The following KHDRBS2 variants were observed in gnomAD, a reference collection of about 807,000 sequenced individuals.
KHDRBS2 encodes KH RNA binding domain containing, signal transduction associated 2.
Under a neutral mutation model 44.3 loss-of-function variants are expected in KHDRBS2, and 26 were observed. The observed-to-expected ratio is 0.59, with a 90% confidence interval of 0.43 to 0.81. The LOEUF is 0.81. Among genes scored for constraint, KHDRBS2 ranks in the 40% least tolerant of loss-of-function variants. The pLI is 0.00. For missense variants in KHDRBS2, 476 were observed against 433.1 expected, an observed-to-expected ratio of 1.10 and a Z score of -0.88; for synonymous variants, 194 against 151.1, an observed-to-expected ratio of 1.28 and a Z score of -2.08.
At chr6:61,993,863 A>C (rs1776663363) in intron 3 of KHDRBS2, among the ~76,000 whole-genome samples, 1 of 151,880 alleles carries the variant, frequency 6.6e-6, no homozygotes, top group Non-Finnish European at 1.5e-5. Context: ...TTTGACTCTT[A>C]AGGAAACAAA....
chr6:61,967,957 T>TATACAC (rs1228663590), intron 4 of KHDRBS2, among the ~76,000 whole-genome samples: 18 of 73,588 alleles, frequency 2.4e-4, no homozygotes, highest in African/African-American at 8.4e-4. Context: ...TATATATATA[T>TATACAC]ACACACACAC....
intron 6 of KHDRBS2, among the ~76,000 whole-genome samples, chr6:61,825,571 G>T (rs1219233004): frequency 6.6e-6 from 1 of 152,088 alleles, no homozygotes; most frequent in Non-Finnish European, 1.5e-5. Flanking sequence ...CAGTTAAGAG[G>T]GTTGTAAAAA....
intron 1 of KHDRBS2, among the ~76,000 whole-genome samples, chr6:62,280,144 T>A (rs1841595436): frequency 6.6e-6 from 1 of 152,110 alleles, no homozygotes; most frequent in South Asian, 2.1e-4. Flanking sequence ...AGAGAGTGAA[T>A]TATAAGCAGT....
intron 2 of KHDRBS2, among the ~76,000 whole-genome samples, chr6:62,098,872 C>A (rs1261258038): frequency 1.3e-5 from 2 of 152,028 alleles, no homozygotes; most frequent in African/African-American, 4.8e-5. Context: ...AATAGTCTGT[C>A]TTTGGGCTCA....
At chr6:62,273,948 T>A (rs1294773805) in intron 1 of KHDRBS2, among the ~76,000 whole-genome samples, 1 of 152,120 alleles carries the variant, frequency 6.6e-6, no homozygotes, top group East Asian at 1.9e-4. Context: ...CTTTTATTTT[T>A]TATTTTTTTG....
intron 3 of KHDRBS2, among the ~76,000 whole-genome samples, chr6:62,036,428 T>C (rs56185438): frequency 0.14 from 21,954 of 151,838 alleles, 2,090 homozygotes; most frequent in Non-Finnish European, 0.19. Flanking sequence ...ATCAAAAAAC[T>C]ACTTATCGGA....
the KHDRBS2 span, among the ~76,000 whole-genome samples, chr6:61,569,403 G>A: frequency 3.1e-4 from 47 of 152,266 alleles, no homozygotes; most frequent in Non-Finnish European, 5.6e-4. Context: ...AAAAATTAGA[G>A]CAAGCTTAGA....
intron 3 of KHDRBS2, among the ~76,000 whole-genome samples, chr6:62,028,450 G>A (rs1783765890): frequency 6.6e-6 from 1 of 152,014 alleles, no homozygotes; most frequent in Admixed American, 6.6e-5. Context: ...ATTTAATCCT[G>A]TGTTGATCGT....
intron 4 of KHDRBS2, among the ~76,000 whole-genome samples, chr6:61,902,769 G>T (rs114583315): frequency 0.013 from 1,966 of 152,214 alleles, 45 homozygotes; most frequent in African/African-American, 0.044. Flanking sequence ...TGCACCAAAC[G>T]ATGTCAACGT....
At chr6:61,786,859 G>T (rs1472742158) in intron 6 of KHDRBS2, among the ~76,000 whole-genome samples, 1 of 151,742 alleles carries the variant, frequency 6.6e-6, no homozygotes, top group African/African-American at 2.4e-5. Flanking sequence ...CTTTGTCATA[G>T]AATTGTTTAG....
In KHDRBS2 at chr6:61,997,649, T is replaced by C. The variant is rs888796700; in HGVS notation, c.337-19437A>G. 9.2e-5 allele frequency among the ~76,000 whole-genome samples: 14 copies of C among 152,308 alleles called. 1 individual carries two copies. Among genetic ancestry groups the C allele is most frequent in the Admixed American group, 8.5e-4 (13 of 15,296 alleles). ...ACCAATCCATGTAAATGAGCACTTT[T>C]AGGGTTTAACCAGCTATGGATCCTC... On this transcript the variant is annotated intron_variant, in intron 3 of 8. Transcript: ENST00000281156.
chr6:62,139,899 GC>G (rs1425490397), intron 2 of KHDRBS2, among the ~76,000 whole-genome samples: 1 of 121,238 alleles, frequency 8.2e-6, no homozygotes, highest in Admixed American at 8.9e-5. Flanking sequence ...CCGCCCACCC[GC>G]CGCCAATGCC....
At chr6:61,879,692 T>C (rs1799940183) in intron 6 of KHDRBS2, among the ~76,000 whole-genome samples, 1 of 151,926 alleles carries the variant, frequency 6.6e-6, no homozygotes, top group Non-Finnish European at 1.5e-5. Flanking sequence ...TACTAACATC[T>C]TAAAGTTGCT....
In KHDRBS2 at chr6:61,942,396, A is replaced by C. The variant is rs565703406; in HGVS notation, c.483+35670T>G. On this transcript the variant is annotated intron_variant, in intron 4 of 8. Coordinates refer to ENST00000281156, the MANE Select transcript of KHDRBS2 (RefSeq NM_152688.4). ...AAAAGATAAATATCATAAAAAGAAC[A>C]AAACAAAAATTCTGCAACTGAAGAA... Among the ~76,000 whole-genome samples, 207 of 152,298 alleles carry C rather than the reference A, an allele frequency of 1.4e-3. 1 individual carries two copies. The highest frequency in any genetic ancestry group is 4.7e-3 in the African/African-American group (195 of 41,578).
chr6:61,868,395 G>A (rs1224644463), intron 6 of KHDRBS2, among the ~76,000 whole-genome samples: 2 of 152,114 alleles, frequency 1.3e-5, no homozygotes, highest in African/African-American at 2.4e-5. Flanking sequence ...GAGTACCAGC[G>A]ACGGTGGCTG....
intron 1 of KHDRBS2, among the ~76,000 whole-genome samples, chr6:62,267,036 T>C (rs761093087): frequency 2.6e-5 from 4 of 152,052 alleles, no homozygotes. Context: ...TTTCAATGTC[T>C]GCTTCTGGGA....
chr6:61,695,203 C>A (rs1037231166), intron 8 of KHDRBS2, among the ~76,000 whole-genome samples: 2 of 145,596 alleles, frequency 1.4e-5, no homozygotes, highest in East Asian at 2.1e-4. Context: ...TCTACTGAAC[C>A]CTGCTCCCAC....
chr6:61,732,417 G>A (rs1197698311), intron 7 of KHDRBS2, among the ~76,000 whole-genome samples: 1 of 151,696 alleles, frequency 6.6e-6, no homozygotes, highest in East Asian at 1.9e-4. Flanking sequence ...ATAACATTTA[G>A]TTAAATACAA....
chr6:61,656,336 T>C, the KHDRBS2 span, among the ~76,000 whole-genome samples: 2 of 151,990 alleles, frequency 1.3e-5, no homozygotes, highest in Non-Finnish European at 2.9e-5. Context: ...ATTAACTCAT[T>C]CATCATCAGA....
Sources: gnomAD v4.1 joint callset for allele counts (sites outside exome capture counted in the v4.1 genomes callset) on GRCh38, gnomAD v4.1.1 for gene constraint, MANE v1.5 for transcripts, NCBI Gene and HGNC (gene_info 2026-07-23, HGNC 2026-07-21) for gene names.